The following ALCAM variants were observed in gnomAD, a reference collection of about 807,000 sequenced individuals.
ALCAM encodes CD166 antigen.
Under a neutral mutation model 70.9 loss-of-function variants are expected in ALCAM, and 30 were observed. That is an observed-to-expected ratio of 0.42 (90% CI 0.32 to 0.57). The LOEUF is 0.57. Among genes scored for constraint, ALCAM ranks in the 20% least tolerant of loss-of-function variants. The probability of loss-of-function intolerance (pLI) is 0.11; values close to 1 mark genes in which losing one functional copy is unlikely to be tolerated. For synonymous variants in ALCAM, 249 were observed against 242.5 expected (o/e 1.03, Z -0.25); for missense variants, 591 against 695.1 (o/e 0.85, Z 1.68).
chr3:105,399,554 C>T (rs971491927), intron 1 of ALCAM, among the ~76,000 whole-genome samples: 3 of 151,896 alleles, frequency 2.0e-5, no homozygotes, highest in Non-Finnish European at 2.9e-5. Flanking sequence ...TTATTGTCTA[C>T]AATTCTTTTA....
At chr3:105,511,212 A>G (rs1363089846) in intron 1 of ALCAM, among the ~76,000 whole-genome samples, 1 of 152,032 alleles carries the variant, frequency 6.6e-6, no homozygotes, top group Admixed American at 6.6e-5. Context: ...CCACTGGGCT[A>G]CCATTGTGGG....
chr3:105,520,281 T>A, intron 2 of ALCAM, 114 bp downstream of exon 2: 1 of 718,952 alleles, frequency 1.4e-6, no homozygotes, highest in Non-Finnish European at 2.4e-6. Flanking sequence ...AAACTGTGAG[T>A]ACAAATGTAG....
chr3:105,375,600 A>T lies in ALCAM; in HGVS notation c.73+8119A>T, dbSNP rs547209348. 2.0e-5 allele frequency among the ~76,000 whole-genome samples: 3 copies of T among 152,266 alleles called. No individual in the cohort carries two copies. In the East Asian group the frequency reaches 5.8e-4, roughly 29 times the overall value. ...ATTGACCTCAGATGCCAAGGGAATA[A>T]TTTTGTTTGAAATTCACCTGGGAGC... On this transcript the variant is annotated intron_variant, in intron 1 of 15. Transcript: ENST00000306107.
At chr3:105,538,776 G>A (rs1940039465) in intron 6 of ALCAM, among the ~76,000 whole-genome samples, 1 of 152,080 alleles carries the variant, frequency 6.6e-6, no homozygotes, top group Non-Finnish European at 1.5e-5. Flanking sequence ...CTGCTGGTTA[G>A]GAAACTACTT....
intron 1 of ALCAM, among the ~76,000 whole-genome samples, chr3:105,515,607 G>A (rs1265751641): frequency 6.6e-6 from 1 of 151,976 alleles, no homozygotes; most frequent in Non-Finnish European, 1.5e-5. Flanking sequence ...TGTCATAACT[G>A]GGGGAAGAGT....
At chr3:105,497,677 G>T (rs756690214) in intron 1 of ALCAM, among the ~76,000 whole-genome samples, 2 of 152,082 alleles carry the variant, frequency 1.3e-5, no homozygotes, top group Non-Finnish European at 2.9e-5. Context: ...GCATTTAGAA[G>T]ATATAGTCAC....
At chr3:105,488,173 TC>T (rs910788597) in intron 1 of ALCAM, among the ~76,000 whole-genome samples, 3 of 152,268 alleles carry the variant, frequency 2.0e-5, no homozygotes, top group African/African-American at 7.2e-5. Flanking sequence ...TGGCTCCCCT[TC>T]CCTTTCTGCT....
chr3:105,454,804 G>A (rs1937512743), intron 1 of ALCAM, among the ~76,000 whole-genome samples: 1 of 151,616 alleles, frequency 6.6e-6, no homozygotes, highest in South Asian at 2.1e-4. Context: ...AAGTAGCTGG[G>A]ACTACAAGCA....
intron 1 of ALCAM, among the ~76,000 whole-genome samples, chr3:105,469,952 AC>A: frequency 6.6e-6 from 1 of 150,902 alleles, no homozygotes; most frequent in East Asian, 1.9e-4. Context: ...AAATCTATAA[AC>A]ACAGAAATAA....
At chr3:105,569,341 T>A (rs1341279737) in intron 14 of ALCAM, among the ~76,000 whole-genome samples, 1 of 152,104 alleles carries the variant, frequency 6.6e-6, no homozygotes, top group Non-Finnish European at 1.5e-5. Flanking sequence ...ATTTTGGGGA[T>A]TATGTGGCTT....
chr3:105,393,289 A>G (rs1935868159), intron 1 of ALCAM, among the ~76,000 whole-genome samples: 1 of 151,778 alleles, frequency 6.6e-6, no homozygotes, highest in South Asian at 2.1e-4. Flanking sequence ...GTAACAATGT[A>G]AGCCTAGAGG....
At chr3:105,547,074 C>A in intron 9 of ALCAM, 75 bp from the exon 10 acceptor site, 1 of 1,245,726 alleles carries the variant, frequency 8.0e-7, no homozygotes, top group Non-Finnish European at 1.1e-6. Context: ...TTGTTTTAGG[C>A]TTAATTATTA....
At chr3:105,552,913 A>C (rs1245927972) in intron 14 of ALCAM, 4 of 1,069,676 alleles carry the variant, frequency 3.7e-6, no homozygotes, top group South Asian at 3.0e-5. Context: ...TTTTGGTTGA[A>C]GTTGGAGAAG....
intron 1 of ALCAM, among the ~76,000 whole-genome samples, chr3:105,428,156 A>G (rs1303286759): frequency 6.6e-6 from 1 of 151,984 alleles, no homozygotes; most frequent in Non-Finnish European, 1.5e-5. Flanking sequence ...TAAATACCCC[A>G]TGACTGAGTA....
chr3:105,454,074 T>C (rs1937497965), intron 1 of ALCAM, among the ~76,000 whole-genome samples: 1 of 152,274 alleles, frequency 6.6e-6, no homozygotes, highest in African/African-American at 2.4e-5. Flanking sequence ...CCCTGGGAGA[T>C]TAAATTACTT....
intron 1 of ALCAM, among the ~76,000 whole-genome samples, chr3:105,503,794 A>G (rs1325475681): frequency 6.6e-6 from 1 of 152,062 alleles, no homozygotes; most frequent in Admixed American, 6.5e-5. Context: ...CCTCAGCCAC[A>G]CTGGCTGAAC....
intron 1 of ALCAM, among the ~76,000 whole-genome samples, chr3:105,396,809 A>G (rs1325560713): frequency 1.3e-5 from 2 of 151,986 alleles, no homozygotes; most frequent in Non-Finnish European, 2.9e-5. Context: ...TAGCCTCTGG[A>G]TTCATTTCTT....
At chr3:105,469,932 C>T (rs1175665450) in intron 1 of ALCAM, among the ~76,000 whole-genome samples, 2 of 150,552 alleles carry the variant, frequency 1.3e-5, no homozygotes, top group Non-Finnish European at 3.0e-5. Context: ...CTCTCAGAGC[C>T]CCAGTTTTCA....
At chr3:105,470,309 G>A (rs1355987226) in intron 1 of ALCAM, among the ~76,000 whole-genome samples, 1 of 150,664 alleles carries the variant, frequency 6.6e-6, no homozygotes, top group African/African-American at 2.4e-5. Flanking sequence ...AATCAAGTAT[G>A]AAGGCCAAGA....
Sources: allele counts gnomAD v4.1 joint callset (sites outside exome capture counted in the v4.1 genomes callset), GRCh38; gene constraint gnomAD v4.1.1; transcripts MANE v1.5; gene names NCBI Gene and HGNC (gene_info 2026-07-23, HGNC 2026-07-21).